CPQ: variants seen among roughly 807,000 people sequenced by gnomAD.
The protein encoded by CPQ is carboxypeptidase Q, also known as Ser-Met dipeptidase.
Under a neutral mutation model 45.7 loss-of-function variants are expected in CPQ, and 37 were observed. The ratio of observed to expected loss-of-function variants is 0.81; its 90% CI spans 0.62 to 1.07. The LOEUF (loss-of-function observed/expected upper bound fraction) is 1.07, where lower values mean the gene tolerates loss of function less well. Among genes scored for constraint, CPQ ranks in the 50% least tolerant of loss-of-function variants. CPQ has a pLI of 0.00. For missense variants in CPQ, 537 were observed against 572.9 expected (o/e 0.94, Z 0.64); for synonymous variants, 186 against 205.8 (o/e 0.90, Z 0.82).
chr8:96,712,378 G>A (rs1809618022), intron 1 of CPQ, among the ~76,000 whole-genome samples: 1 of 152,160 alleles, frequency 6.6e-6, no homozygotes, highest in Non-Finnish European at 1.5e-5. Context: ...CCTCTGTGTG[G>A]GGGCTATGAC....
intron 7 of CPQ, among the ~76,000 whole-genome samples, chr8:97,073,152 A>G (rs569882295): frequency 2.6e-5 from 4 of 152,218 alleles, no homozygotes; most frequent in Admixed American, 6.5e-5. Flanking sequence ...TCCACGTTGA[A>G]GTACCAAATA....
intron 5 of CPQ, among the ~76,000 whole-genome samples, chr8:96,973,963 A>G (rs1813727766): frequency 6.6e-6 from 1 of 152,154 alleles, no homozygotes; most frequent in African/African-American, 2.4e-5. Context: ...AACACAGTGG[A>G]AAAAAAGGTA....
At chr8:97,024,434 C>A (rs1406014951) in intron 5 of CPQ, among the ~76,000 whole-genome samples, 1 of 152,098 alleles carries the variant, frequency 6.6e-6, no homozygotes, top group Non-Finnish European at 1.5e-5. Context: ...CTAATGCTCC[C>A]CCAAAATGCC....
chr8:96,668,210 A>G (rs1473265802), intron 1 of CPQ, among the ~76,000 whole-genome samples: 4 of 152,218 alleles, frequency 2.6e-5, no homozygotes, highest in Non-Finnish European at 5.9e-5. Context: ...TGCTGAATAA[A>G]TATTCATTTG....
At chr8:96,922,282 C>T (rs7013025) in intron 4 of CPQ, among the ~76,000 whole-genome samples, 75,674 of 151,972 alleles carry the variant, frequency 0.5, 21,219 homozygotes, top group Non-Finnish European at 0.63. Flanking sequence ...TGCTCAACCC[C>T]TCATACTTTC....
chr8:96,867,617 C>T (rs1412126074), intron 3 of CPQ, among the ~76,000 whole-genome samples: 4 of 151,956 alleles, frequency 2.6e-5, no homozygotes, highest in African/African-American at 9.7e-5. Flanking sequence ...TCCCACCACC[C>T]AGACAAAACC....
intron 1 of CPQ, among the ~76,000 whole-genome samples, chr8:96,651,636 A>G (rs947811102): frequency 3.3e-5 from 5 of 152,170 alleles, no homozygotes; most frequent in Non-Finnish European, 2.9e-5. Context: ...GATTTGAATA[A>G]TATAACTAAT....
chr8:97,121,316 C>T (rs1025512138), intron 7 of CPQ, among the ~76,000 whole-genome samples: 3 of 152,158 alleles, frequency 2.0e-5, no homozygotes, highest in Non-Finnish European at 2.9e-5. Flanking sequence ...TATCAAACAA[C>T]TAATTTCATA....
chr8:96,902,526 T>C (rs1407911448), intron 4 of CPQ, among the ~76,000 whole-genome samples: 2 of 152,178 alleles, frequency 1.3e-5, no homozygotes, highest in Non-Finnish European at 2.9e-5. Context: ...TGGTTCAGAA[T>C]GTGTGTGTTG....
At chr8:96,882,299 A>T (rs1165049159) in intron 4 of CPQ, among the ~76,000 whole-genome samples, 1 of 152,228 alleles carries the variant, frequency 6.6e-6, no homozygotes, top group African/African-American at 2.4e-5. Context: ...GGTGGTTTCA[A>T]ATAGACAAGC....
intron 7 of CPQ, among the ~76,000 whole-genome samples, chr8:97,073,968 C>T (rs1017875645): frequency 2.6e-5 from 4 of 152,198 alleles, no homozygotes; most frequent in Non-Finnish European, 4.4e-5. Context: ...TTCTTCTGCT[C>T]TTCCCTCTTG....
intron 1 of CPQ, among the ~76,000 whole-genome samples, chr8:96,701,536 A>G (rs933136389): frequency 3.9e-5 from 6 of 152,116 alleles, no homozygotes; most frequent in African/African-American, 1.4e-4. Flanking sequence ...CTTAATTTGG[A>G]AGATTAAATG....
intron 5 of CPQ, among the ~76,000 whole-genome samples, chr8:96,999,181 CAA>C (rs1049467041): frequency 4.6e-5 from 7 of 151,366 alleles, no homozygotes; most frequent in African/African-American, 1.7e-4. Context: ...TAGATTTTAA[CAA>C]AGTCAAATTC....
At chr8:96,953,841 G>A (rs1169139974) in intron 4 of CPQ, among the ~76,000 whole-genome samples, 1 of 152,086 alleles carries the variant, frequency 6.6e-6, no homozygotes, top group East Asian at 1.9e-4. Flanking sequence ...TCAAAGTGCA[G>A]TGTGTGCTTC....
intron 2 of CPQ, among the ~76,000 whole-genome samples, chr8:96,807,012 C>T (rs1811087809): frequency 2.0e-5 from 3 of 151,986 alleles, no homozygotes; most frequent in African/African-American, 7.3e-5. Context: ...TTTAAAAGGA[C>T]AAAATATTAA....
intron 5 of CPQ, among the ~76,000 whole-genome samples, chr8:97,019,250 C>G (rs1809634684): frequency 6.6e-6 from 1 of 152,140 alleles, no homozygotes; most frequent in Non-Finnish European, 1.5e-5. Context: ...TGAAACAAAT[C>G]CTGGAAACAC....
chr8:96,970,030 A>G (rs1813637902), intron 5 of CPQ, among the ~76,000 whole-genome samples: 1 of 152,192 alleles, frequency 6.6e-6, no homozygotes, highest in African/African-American at 2.4e-5. Flanking sequence ...CTGTAGCTAG[A>G]GCCTTATGCA....
At chr8:96,793,368 G>T (rs1042729973) in intron 2 of CPQ, among the ~76,000 whole-genome samples, 1 of 152,050 alleles carries the variant, frequency 6.6e-6, no homozygotes, top group African/African-American at 2.4e-5. Context: ...TATCTCACAT[G>T]GTGGCAGACA....
intron 3 of CPQ, among the ~76,000 whole-genome samples, chr8:96,841,016 A>C (rs2130853094): frequency 6.6e-6 from 1 of 152,266 alleles, no homozygotes; most frequent in African/African-American, 2.4e-5. Context: ...TTATCTGCCA[A>C]GTTTTCCCCT....
Sources: allele counts gnomAD v4.1 joint callset (sites outside exome capture counted in the v4.1 genomes callset), GRCh38; gene constraint gnomAD v4.1.1; transcripts MANE v1.5; gene names NCBI Gene and HGNC (gene_info 2026-07-23, HGNC 2026-07-21).